PRKACB: variants seen among roughly 807,000 people sequenced by gnomAD.
PRKACB encodes cAMP-dependent protein kinase catalytic subunit beta.
A neutral mutation model predicts 51.4 loss-of-function variants in PRKACB; 16 were observed. That is an observed-to-expected ratio of 0.31 (90% CI 0.21 to 0.47). The LOEUF (loss-of-function observed/expected upper bound fraction) is 0.47. Ranked by LOEUF, PRKACB falls within the 20% of genes least tolerant of loss-of-function variation. PRKACB has a pLI of 1.00. For missense variants in PRKACB, 309 were observed against 464.5 expected (o/e 0.67, Z 3.08); for synonymous variants, 147 against 154.4 (o/e 0.95, Z 0.35).
intron 6 of PRKACB, 145 bp downstream of exon 6, chr1:84,196,887 AC>A: frequency 2.3e-6 from 2 of 862,756 alleles, no homozygotes; most frequent in Non-Finnish European, 3.5e-6. Context: ...TGCTGCTATT[AC>A]AGAGAAGCAA....
chr1:84,080,385 A>G (rs1000780068), intron 1 of PRKACB, among the ~76,000 whole-genome samples: 19 of 152,208 alleles, frequency 1.2e-4, no homozygotes, highest in African/African-American at 3.9e-4. Flanking sequence ...ATTCTTTTCT[A>G]TGTTTTAAGT....
intron 1 of PRKACB, among the ~76,000 whole-genome samples, chr1:84,086,620 A>C (rs1300178193): frequency 1.3e-5 from 2 of 152,222 alleles, no homozygotes; most frequent in Non-Finnish European, 2.9e-5. Context: ...TTTTGTAAAA[A>C]GAAAAAGAAA....
intron 7 of PRKACB, among the ~76,000 whole-genome samples, chr1:84,199,068 T>C (rs1470372657): frequency 2.0e-3 from 106 of 52,002 alleles, no homozygotes; most frequent in Admixed American, 5.6e-3. Flanking sequence ...TGCGTATATA[T>C]GCATATATGT....
chr1:84,229,964 T>G (rs1192085788), intron 9 of PRKACB, among the ~76,000 whole-genome samples: 4 of 150,630 alleles, frequency 2.7e-5, no homozygotes, highest in Non-Finnish European at 6.0e-5. Flanking sequence ...ATTTTGGCTT[T>G]TGTTGCCATT....
At chr1:84,138,807 A>G (rs893561929) in intron 1 of PRKACB, among the ~76,000 whole-genome samples, 6 of 152,218 alleles carry the variant, frequency 3.9e-5, no homozygotes, top group African/African-American at 1.2e-4. Flanking sequence ...AGTTGAATCC[A>G]GCAATATATA....
At chr1:84,176,255 A>G (rs1397199269) in intron 1 of PRKACB, among the ~76,000 whole-genome samples, 1 of 151,900 alleles carries the variant, frequency 6.6e-6, no homozygotes, top group Non-Finnish European at 1.5e-5. Flanking sequence ...GCAGTATTTG[A>G]ATCTGGCTGT....
At position 84,196,728 on chromosome 1, in the gene PRKACB, C is replaced by G. The variant is rs763018064; in HGVS notation, c.673C>G (p.Gln225Glu). The change falls in exon 6 of 10, where the codon CAA becomes GAA. Residue 225 changes from glutamine to glutamate, a missense_variant. This residue lies in a region of PRKACB where 60 missense variants were observed against 144.4 expected (regional missense o/e 0.42). Coordinates refer to ENST00000370685, the MANE Select transcript of PRKACB (RefSeq NM_182948.4). ...ACCTGAAAATCTCTTAATTGACCAT[C>G]AAGGCTATATCCAGGTATGACTTTA... ...LKPENLLIDH[Q>E]GYIQVTDFGF... 7 of 1,612,284 alleles carry G rather than the reference C, an allele frequency of 4.3e-6. No individual in the cohort carries two copies. In the Admixed American group the frequency reaches 5.0e-5, roughly 12 times the overall value.
chr1:84,211,584 G>A (rs934098491), intron 8 of PRKACB, among the ~76,000 whole-genome samples: 6 of 152,092 alleles, frequency 3.9e-5, no homozygotes, highest in African/African-American at 1.2e-4. Context: ...TCTTTTAGAA[G>A]GTTCCTGATA....
intron 1 of PRKACB, among the ~76,000 whole-genome samples, chr1:84,151,409 T>C (rs1167064680): frequency 6.6e-6 from 1 of 152,200 alleles, no homozygotes; most frequent in African/African-American, 2.4e-5. Context: ...TGATGGTCGC[T>C]GAAGGTTGGG....
At chr1:84,196,783 T>C (rs1428458621) in intron 6 of PRKACB, 41 bp downstream of exon 6, 1 of 1,552,746 alleles carries the variant, frequency 6.4e-7, no homozygotes, top group Non-Finnish European at 8.7e-7. Context: ...TATGAGAAAA[T>C]ACTAGGCAAG....
chr1:84,155,104 C>T (rs1472921199), intron 1 of PRKACB, among the ~76,000 whole-genome samples: 2 of 151,926 alleles, frequency 1.3e-5, no homozygotes, highest in East Asian at 1.9e-4. Context: ...TTTACATGTG[C>T]AAATGATATT....
At chr1:84,159,955 G>C (rs1280043345) in intron 1 of PRKACB, among the ~76,000 whole-genome samples, 3 of 152,046 alleles carry the variant, frequency 2.0e-5, no homozygotes, top group Non-Finnish European at 4.4e-5. Flanking sequence ...ATGATCCTCT[G>C]TATATACTGC....
chr1:84,223,402 T>C (rs1674067181), intron 9 of PRKACB, among the ~76,000 whole-genome samples: 1 of 147,236 alleles, frequency 6.8e-6, no homozygotes, highest in Non-Finnish European at 1.5e-5. Context: ...GGTGTCTCGC[T>C]CTGTCGCCCA....
intron 9 of PRKACB, among the ~76,000 whole-genome samples, chr1:84,221,093 G>T (rs368040317): frequency 2.0e-5 from 3 of 152,140 alleles, no homozygotes; most frequent in African/African-American, 7.2e-5. Context: ...AATGTTTGAT[G>T]GGAATCTTTT....
chr1:84,165,985 G>T (rs1657318084), intron 1 of PRKACB, among the ~76,000 whole-genome samples: 1 of 151,642 alleles, frequency 6.6e-6, no homozygotes, highest in African/African-American at 2.4e-5. Flanking sequence ...TATAATGATA[G>T]AATTCAAAAT....
chr1:84,122,586 T>C (rs1349323560), intron 1 of PRKACB, among the ~76,000 whole-genome samples: 3 of 152,192 alleles, frequency 2.0e-5, no homozygotes, highest in Non-Finnish European at 4.4e-5. Flanking sequence ...TGAGATTTTA[T>C]AAAAGATTTT....
Position 84,105,542 on chromosome 1 carries a change from C to CATTT in PRKACB, c.46+27217_46+27220dup, listed in dbSNP as rs66546945. 7.0e-3 allele frequency among the ~76,000 whole-genome samples: 1,023 copies of CATTT among 145,612 alleles called. 5 individuals carry two copies. Among genetic ancestry groups the CATTT allele is most frequent in the African/African-American group, 0.018 (699 of 39,018 alleles). On this transcript the variant is annotated intron_variant, in intron 1 of 8. Coordinates refer to the PRKACB transcript ENST00000370688. Reference sequence around the variant, plus strand: ...AGCATTTACAGATAACCACTGTTAGCATTTATTTATTTATTTATTTATTTA... The same window carrying CATTT: ...AGCATTTACAGATAACCACTGTTAGCATTTATTTATTTATTTATTTATTTATTTA...
chr1:84,113,825 C>G (rs746144276), intron 1 of PRKACB, among the ~76,000 whole-genome samples: 21 of 152,170 alleles, frequency 1.4e-4, no homozygotes, highest in African/African-American at 2.6e-4. Flanking sequence ...GATGCTTGCT[C>G]AGGGATAGGG....
rs866474239 is a variant in PRKACB at position 84,128,012 on chromosome 1, T to C, written c.46+49641T>C. Among the ~76,000 whole-genome samples the C allele has an allele frequency of 1.1e-3, 164 of 143,924 alleles. 1 individual carries two copies. The highest frequency in any genetic ancestry group is 7.0e-3 in the Middle Eastern group (2 of 286). The allele number at this position is 143,924 out of a possible 152,430, so 94.4% of individuals were successfully genotyped here. A position where few individuals can be genotyped will look rare whatever the true frequency, so the allele number is the denominator to read the frequency against. On this transcript the variant is annotated intron_variant, in intron 1 of 8. Coordinates refer to the PRKACB transcript ENST00000370688. ...TATTTCTTTTCTTTTTTTTTCTTTT[T>C]TTTTTTTTTTTTTGAGACAGAGTTT...
Sources: gnomAD v4.1 joint callset for allele counts (sites outside exome capture counted in the v4.1 genomes callset) on GRCh38, gnomAD v4.1.1 for gene constraint, gnomAD v4.1.1 regional missense constraint, MANE v1.5 for transcripts, NCBI Gene and HGNC (gene_info 2026-07-23, HGNC 2026-07-21) for gene names.